WDR76: variants seen among roughly 807,000 people sequenced by gnomAD.
The protein encoded by WDR76 is WD repeat-containing protein 76.
Under a neutral mutation model 70.2 loss-of-function variants are expected in WDR76, and 52 were observed. The observed-to-expected ratio is 0.74, with a 90% confidence interval of 0.59 to 0.93. The LOEUF is 0.93. WDR76 is among the 40% of genes least tolerant of loss of function. The pLI, the probability that WDR76 is intolerant of heterozygous loss-of-function variation, is 0.00. For missense variants in WDR76, 756 were observed against 760.2 expected (o/e 0.99, Z 0.07); for synonymous variants, 292 against 271.1 (o/e 1.08, Z -0.76).
At chr15:43,837,430 T>C (rs184599092) in intron 4 of WDR76, among the ~76,000 whole-genome samples, 1 of 152,328 alleles carries the variant, frequency 6.6e-6, no homozygotes, top group Non-Finnish European at 1.5e-5. Context: ...ATTTTTTTAT[T>C]AGCCAAGATT....
intron 11 of WDR76, among the ~76,000 whole-genome samples, chr15:43,860,000 C>T (rs1396216645): frequency 6.6e-6 from 1 of 152,182 alleles, no homozygotes; most frequent in African/African-American, 2.4e-5. Flanking sequence ...CCTATAATCC[C>T]AGCATTTCGG....
At chr15:43,829,973 T>C (rs376888417) in intron 2 of WDR76, among the ~76,000 whole-genome samples, 7 of 151,964 alleles carry the variant, frequency 4.6e-5, no homozygotes, top group African/African-American at 1.7e-4. Context: ...AGTTGGGGCA[T>C]ACAATTTGCA....
chr15:43,838,807 G>A (rs1279243701), intron 4 of WDR76, among the ~76,000 whole-genome samples: 2 of 152,032 alleles, frequency 1.3e-5, no homozygotes, highest in African/African-American at 4.8e-5. Context: ...TTATGTATGG[G>A]AGTTTCTCTA....
chr15:43,827,134 G>C, intron 1 of WDR76, 42 bp downstream of exon 1: 1 of 1,613,854 alleles, frequency 6.2e-7, no homozygotes, highest in South Asian at 1.1e-5. Context: ...CTCCTGCCTC[G>C]GTTTTTGTGA....
chr15:43,836,273 A>G (rs748855993), intron 4 of WDR76, 57 bp downstream of exon 4: 78 of 1,545,216 alleles, frequency 5.0e-5, no homozygotes, highest in Non-Finnish European at 6.6e-5. Context: ...CTGTTTTATA[A>G]TTTGAAAAAA....
At chr15:43,865,905 A>G (rs2088064357) in intron 12 of WDR76, among the ~76,000 whole-genome samples, 1 of 152,198 alleles carries the variant, frequency 6.6e-6, no homozygotes. Context: ...AAAGGGCTCC[A>G]TATGTTTTAT....
chr15:43,865,989 G>T, intron 12 of WDR76, 139 bp from the exon 13 acceptor site: 4 of 958,064 alleles, frequency 4.2e-6, no homozygotes, highest in Non-Finnish European at 4.6e-6. Flanking sequence ...AGGTAAGGTT[G>T]GTGGTAACTC....
At chr15:43,849,703 A>G (rs1567188665) in intron 8 of WDR76, among the ~76,000 whole-genome samples, 1 of 151,904 alleles carries the variant, frequency 6.6e-6, no homozygotes, top group East Asian at 1.9e-4. Flanking sequence ...ACGCCCGGCT[A>G]ATTTTTGTAT....
At chr15:43,839,961 G>A (rs1244055740) in intron 5 of WDR76, among the ~76,000 whole-genome samples, 1 of 151,984 alleles carries the variant, frequency 6.6e-6, no homozygotes, top group Admixed American at 6.6e-5. Flanking sequence ...GTGTTCAAGC[G>A]ATTCTCCTGC....
Position 43,867,540 on chromosome 15 carries a change from T to C in WDR76, c.*1148T>C, listed in dbSNP as rs2088089046. 1 of 149,566 alleles carries C rather than the reference T, an allele frequency of 6.7e-6. No individual in the cohort carries two copies. The highest frequency in any genetic ancestry group is 1.5e-5 in the Non-Finnish European group (1 of 67,820). The allele number at this position is 149,566 out of a possible 1,614,324, so 9.3% of individuals were successfully genotyped here. Reference sequence around the variant, plus strand: ...TATATTTGTTAGGTATATATGTTTATGTGTATTCTGATGTAAAATATATAT... The same window carrying C: ...TATATTTGTTAGGTATATATGTTTACGTGTATTCTGATGTAAAATATATAT... On this transcript the variant is annotated 3_prime_UTR_variant, in exon 13 of 13. Transcript: ENST00000263795.
intron 5 of WDR76, among the ~76,000 whole-genome samples, chr15:43,841,525 A>T (rs1288615787): frequency 6.6e-6 from 1 of 152,066 alleles, no homozygotes; most frequent in East Asian, 1.9e-4. Context: ...TTTTTAGTAG[A>T]AATGGGGTTT....
rs907229770 is a variant in WDR76 at position 43,828,227 on chromosome 15, C to T, written c.323C>T (p.Thr108Met). 7 of 1,614,036 alleles carry T rather than the reference C, an allele frequency of 4.3e-6. No homozygotes were observed. The highest frequency in any genetic ancestry group is 1.1e-5 in the South Asian group (1 of 91,094). ...AACACATCTTCCAAGGCAGAATCCA[C>T]GCTGCAAAATTCATCCTCAGCTGTT... ...MKNTSSKAES[T>M]LQNSSSAVHT... The change falls in exon 2 of 13, where the codon ACG becomes ATG. Residue 108 changes from threonine (T) to methionine (M), a missense_variant. Transcript: ENST00000263795.
chr15:43,839,510 CTG>C, intron 4 of WDR76, 93 bp from the exon 5 acceptor site: 1 of 1,239,716 alleles, frequency 8.1e-7, no homozygotes, highest in Admixed American at 2.6e-5. Flanking sequence ...ATAAATATAT[CTG>C]TGGTATATAT....
intron 8 of WDR76, among the ~76,000 whole-genome samples, chr15:43,850,003 C>T (rs905670048): frequency 1.3e-5 from 2 of 151,966 alleles, no homozygotes; most frequent in Non-Finnish European, 2.9e-5. Flanking sequence ...AATTTTTTCT[C>T]TTATTTTTTC....
At chr15:43,838,189 T>C (rs2087681596) in intron 4 of WDR76, among the ~76,000 whole-genome samples, 1 of 149,264 alleles carries the variant, frequency 6.7e-6, no homozygotes, top group South Asian at 2.1e-4. Context: ...TTCATTTTTA[T>C]TTATTTATTT....
chr15:43,839,497 T>C, intron 4 of WDR76, 108 bp from the exon 5 acceptor site: 2 of 1,207,434 alleles, frequency 1.7e-6, no homozygotes, highest in Non-Finnish European at 2.3e-6. Flanking sequence ...ATCTATGCAG[T>C]TTATAAATAT....
intron 9 of WDR76, 116 bp downstream of exon 9, chr15:43,851,361 A>G: frequency 7.3e-7 from 1 of 1,373,838 alleles, no homozygotes; most frequent in South Asian, 1.4e-5. Flanking sequence ...GGACTTTGAG[A>G]ACTACGCTGC....
chr15:43,845,812 A>C lies in WDR76; in HGVS notation c.1032+1758A>C, dbSNP rs970532495. On this transcript the variant is annotated intron_variant, in intron 8 of 12. Transcript: ENST00000263795. ...TAATGTTCTCTGAATTTATTTTCTTATTGGGGAAGAAGACCAAAGACATGA... is the reference window on the plus strand; with the variant it reads ...TAATGTTCTCTGAATTTATTTTCTTCTTGGGGAAGAAGACCAAAGACATGA... Among the ~76,000 whole-genome samples, 2 of 150,462 alleles carry C rather than the reference A, an allele frequency of 1.3e-5. 1 individual carries two copies. Among genetic ancestry groups the C allele is most frequent in the Non-Finnish European group, 3.0e-5 (2 of 67,138 alleles).
intron 4 of WDR76, among the ~76,000 whole-genome samples, chr15:43,837,392 G>C (rs758499350): frequency 6.6e-6 from 1 of 152,212 alleles, no homozygotes; most frequent in Non-Finnish European, 1.5e-5. Flanking sequence ...TGGTCCTGTT[G>C]CCCGCTGATT....
Sources: allele counts gnomAD v4.1 joint callset (sites outside exome capture counted in the v4.1 genomes callset), GRCh38; gene constraint gnomAD v4.1.1; transcripts MANE v1.5; gene names NCBI Gene and HGNC (gene_info 2026-07-23, HGNC 2026-07-21).